Variants in LINGO2 observed in about 807,000 individuals in gnomAD.
LINGO2 encodes the protein leucine-rich repeat and immunoglobulin-like domain-containing nogo receptor-interacting protein 2.
Under a neutral mutation model 30.6 loss-of-function variants are expected in LINGO2, and 14 were observed. The ratio of observed to expected loss-of-function variants is 0.46; its 90% CI spans 0.30 to 0.72. The LOEUF is 0.72. Ranked by LOEUF, LINGO2 falls within the 30% of genes least tolerant of loss-of-function variation. The pLI is 0.07. For missense variants in LINGO2, 729 were observed against 751.7 expected (o/e 0.97, Z 0.35); for synonymous variants, 317 against 288.5 (o/e 1.10, Z -1.00).
intron 4 of LINGO2, among the ~76,000 whole-genome samples, chr9:28,053,816 C>T (rs1229493340): frequency 6.6e-6 from 1 of 152,032 alleles, no homozygotes; most frequent in Non-Finnish European, 1.5e-5. Flanking sequence ...GAAATGATTA[C>T]GTGTTTTCAG....
the LINGO2 span, among the ~76,000 whole-genome samples, chr9:28,791,019 T>C: frequency 6.6e-3 from 1,006 of 152,288 alleles, 13 homozygotes; most frequent in African/African-American, 0.023. Flanking sequence ...AAAGTTTTTT[T>C]AAAACATTAT....
At chr9:29,027,989 G>A in the LINGO2 span, among the ~76,000 whole-genome samples, 2 of 152,122 alleles carry the variant, frequency 1.3e-5, no homozygotes, top group Non-Finnish European at 2.9e-5. Flanking sequence ...GAAAGTAGGT[G>A]ATACCAAACT....
chr9:28,973,645 C>T, the LINGO2 span, among the ~76,000 whole-genome samples: 1 of 152,190 alleles, frequency 6.6e-6, no homozygotes, highest in African/African-American at 2.4e-5. Flanking sequence ...CCATGTGGAA[C>T]TGTGAGTCAA....
At chr9:29,175,809 C>T in the LINGO2 span, among the ~76,000 whole-genome samples, 4 of 151,946 alleles carry the variant, frequency 2.6e-5, no homozygotes, top group Middle Eastern at 3.2e-3. Context: ...TTTTAAAAAG[C>T]GTATATGAGG....
the LINGO2 span, among the ~76,000 whole-genome samples, chr9:28,931,918 G>A: frequency 6.6e-6 from 1 of 151,268 alleles, no homozygotes; most frequent in African/African-American, 2.4e-5. Flanking sequence ...GATCAGCCTG[G>A]CCAATATGCT....
chr9:28,608,229 T>C (rs1825774314), intron 1 of LINGO2, among the ~76,000 whole-genome samples: 1 of 151,918 alleles, frequency 6.6e-6, no homozygotes, highest in South Asian at 2.1e-4. Flanking sequence ...ACACTTTCCC[T>C]AAAATTATTT....
the LINGO2 span, among the ~76,000 whole-genome samples, chr9:28,772,934 T>C: frequency 1.3e-5 from 2 of 152,160 alleles, no homozygotes; most frequent in African/African-American, 4.8e-5. Context: ...GAGCTAGAAT[T>C]CAAACCTTTT....
At chr9:28,977,061 AC>A in the LINGO2 span, among the ~76,000 whole-genome samples, 2 of 152,126 alleles carry the variant, frequency 1.3e-5, no homozygotes, top group Non-Finnish European at 2.9e-5. Context: ...ACCTTGCTCT[AC>A]TTTTTCTGAT....
chr9:29,087,253 A>C, the LINGO2 span, among the ~76,000 whole-genome samples: 1 of 152,170 alleles, frequency 6.6e-6, no homozygotes, highest in African/African-American at 2.4e-5. Context: ...GGTAAGTTCT[A>C]CAAGACTCAG....
the LINGO2 span, among the ~76,000 whole-genome samples, chr9:28,713,538 T>C: frequency 6.6e-6 from 1 of 152,106 alleles, no homozygotes; most frequent in Non-Finnish European, 1.5e-5. Context: ...TTCCTTCTGG[T>C]TGTCCAATTG....
chr9:28,375,397 T>G (rs1403631329), intron 2 of LINGO2, among the ~76,000 whole-genome samples: 6 of 151,556 alleles, frequency 4.0e-5, no homozygotes, highest in Non-Finnish European at 8.8e-5. Flanking sequence ...AATTCCAAAT[T>G]AGGGTTTGCC....
chr9:29,085,864 C>T, the LINGO2 span, among the ~76,000 whole-genome samples: 1 of 152,086 alleles, frequency 6.6e-6, no homozygotes, highest in East Asian at 1.9e-4. Context: ...TAACATACAT[C>T]TGTTAAATCT....
At position 28,329,987 on chromosome 9, in the gene LINGO2, C is replaced by T. The variant is rs994516669; in HGVS notation, c.-245-34621G>A. 2.6e-5 allele frequency among the ~76,000 whole-genome samples: 4 copies of T among 152,076 alleles called. No homozygotes were observed. In the South Asian group the frequency reaches 8.3e-4, roughly 31 times the overall value. ...TTGCTATTTACTGAATTCTGCGCCCCTAGTGTTCATCTATTGAAGCCATAA... is the reference window on the plus strand; with the variant it reads ...TTGCTATTTACTGAATTCTGCGCCCTTAGTGTTCATCTATTGAAGCCATAA... On this transcript the variant is annotated intron_variant, in intron 3 of 5. Transcript: ENST00000379992. This position sits in a 1 kb window ranked among gnomAD's most constrained non-coding sequence, Gnocchi z 4.5.
At chr9:28,176,830 A>C (rs1219010091) in intron 4 of LINGO2, among the ~76,000 whole-genome samples, 1 of 152,194 alleles carries the variant, frequency 6.6e-6, no homozygotes. Flanking sequence ...TAGTGTACTT[A>C]ACTTGGCATC....
intron 1 of LINGO2, among the ~76,000 whole-genome samples, chr9:28,491,022 C>A (rs1369512229): frequency 6.6e-6 from 1 of 152,140 alleles, no homozygotes; most frequent in African/African-American, 2.4e-5. Context: ...TTGAAGGATA[C>A]ATGAATAATT....
At chr9:28,958,328 T>A in the LINGO2 span, among the ~76,000 whole-genome samples, 1 of 152,074 alleles carries the variant, frequency 6.6e-6, no homozygotes, top group South Asian at 2.1e-4. Flanking sequence ...TAATGATGAA[T>A]CAAATTATTA....
intron 4 of LINGO2, among the ~76,000 whole-genome samples, chr9:28,200,495 C>T (rs953598803): frequency 6.7e-6 from 1 of 149,988 alleles, no homozygotes; most frequent in East Asian, 2.0e-4. Context: ...AGGTATAGTT[C>T]TCTTAAGGAA....
intron 5 of LINGO2, among the ~76,000 whole-genome samples, chr9:28,007,465 G>T (rs7028851): frequency 0.69 from 104,610 of 151,662 alleles, 37,006 homozygotes; most frequent in Admixed American, 0.8. Flanking sequence ...CAGTAAATCT[G>T]ACTGTGAAAA....
chr9:28,549,966 T>C (rs1273221694), intron 1 of LINGO2, among the ~76,000 whole-genome samples: 1 of 151,942 alleles, frequency 6.6e-6, no homozygotes, highest in Non-Finnish European at 1.5e-5. Context: ...TTTAATTATC[T>C]TCACAACATC....
Sources: gnomAD v4.1 joint callset for allele counts (sites outside exome capture counted in the v4.1 genomes callset) on GRCh38, gnomAD v4.1.1 for gene constraint, Gnocchi (gnomAD v3.1) non-coding constraint, MANE v1.5 for transcripts, NCBI Gene and HGNC (gene_info 2026-07-23, HGNC 2026-07-21) for gene names.